The following TMEM245 variants were observed in gnomAD, a reference collection of about 807,000 sequenced individuals.
TMEM245 encodes protein CG-2.
TMEM245 carries 69 observed loss-of-function variants against 101.2 expected under a neutral mutation model. That is an observed-to-expected ratio of 0.68 (90% CI 0.56 to 0.83). The LOEUF (loss-of-function observed/expected upper bound fraction) is 0.83. Ranked by LOEUF, TMEM245 falls within the 40% of genes least tolerant of loss-of-function variation. The pLI, the probability that TMEM245 is intolerant of heterozygous loss-of-function variation, is 0.00. For synonymous variants in TMEM245, 537 were observed against 449.8 expected, an observed-to-expected ratio of 1.19 and a Z score of -2.45; for missense variants, 1,075 against 1,092.8, an observed-to-expected ratio of 0.98 and a Z score of 0.23.
intron 17 of TMEM245, among the ~76,000 whole-genome samples, chr9:109,032,183 TGTATCATTGGTTATCGAA>T (rs964890945): frequency 1.3e-5 from 2 of 152,182 alleles, no homozygotes; most frequent in African/African-American, 4.8e-5. Flanking sequence ...TGGTTATCAT[TGTATCATTGGTTATCGAA>T]GTATCATTGT....
In TMEM245 at chr9:109,073,378, C is replaced by T. The variant is rs561079659; in HGVS notation, c.1510G>A (p.Ala504Thr). Residue 504 changes from alanine to threonine, a missense_variant, in exon 9 of 18, where the codon GCA becomes ACA. By Grantham distance (58) the Ala-to-Thr change is moderately conservative (BLOSUM62 0). Around this residue, in one of 2 missense-constraint regions of TMEM245, gnomAD observed 808 missense variants for 741.5 expected, o/e 1.09. Coordinates refer to ENST00000374586, the MANE Select transcript of TMEM245 (RefSeq NM_032012.4). ...VTSNLINETL[A>T]NHPEWANWLP... is the part of the protein sequence containing the mutation. ...TACTTTGCCCACTCAGGGTGATTTG[C>T]TAGAGTTTCATTAATCAAATTACTT... The T allele has an allele frequency of 1.2e-6, 2 of 1,612,960 alleles. No individual in the cohort carries two copies. The highest frequency in any genetic ancestry group is 8.5e-7 in the Non-Finnish European group (1 of 1,179,506).
intron 3 of TMEM245, among the ~76,000 whole-genome samples, chr9:109,093,910 A>G (rs1564203263): frequency 6.6e-6 from 1 of 152,200 alleles, no homozygotes; most frequent in East Asian, 1.9e-4. Context: ...TTCTATTGAA[A>G]AACACTACCA....
intron 9 of TMEM245, among the ~76,000 whole-genome samples, chr9:109,067,750 C>T (rs1002716100): frequency 2.0e-5 from 3 of 152,116 alleles, no homozygotes; most frequent in Non-Finnish European, 4.4e-5. Context: ...TAAGATGATC[C>T]TAATCTGTCT....
At chr9:109,093,722 T>C in intron 3 of TMEM245, 131 bp from the exon 4 acceptor site, 1 of 749,664 alleles carries the variant, frequency 1.3e-6, no homozygotes. Flanking sequence ...TAAGTGGTTC[T>C]TCACCAAGGA....
intron 17 of TMEM245, among the ~76,000 whole-genome samples, chr9:109,025,722 A>G (rs978847996): frequency 6.6e-6 from 1 of 150,950 alleles, no homozygotes; most frequent in Admixed American, 6.6e-5. Flanking sequence ...GAAAGTATGC[A>G]TGACTACAGG....
At chr9:109,064,821 G>A (rs191649216) in intron 9 of TMEM245, among the ~76,000 whole-genome samples, 2 of 152,182 alleles carry the variant, frequency 1.3e-5, no homozygotes, top group East Asian at 3.9e-4. Flanking sequence ...CACTCTTCTT[G>A]CCCAGGCTGG....
intron 3 of TMEM245, among the ~76,000 whole-genome samples, chr9:109,102,807 C>G (rs1208488953): frequency 1.3e-5 from 2 of 152,236 alleles, no homozygotes; most frequent in African/African-American, 4.8e-5. Context: ...GTAATCTGCT[C>G]TTGGAGTTTA....
intron 17 of TMEM245, among the ~76,000 whole-genome samples, chr9:109,026,061 T>C (rs1202608273): frequency 1.3e-5 from 2 of 152,230 alleles, no homozygotes; most frequent in African/African-American, 4.8e-5. Context: ...AATATACAAA[T>C]TCCTAGAAAA....
chr9:109,081,085 T>C (rs980324331), intron 7 of TMEM245, 142 bp from the exon 8 acceptor site: 5 of 596,226 alleles, frequency 8.4e-6, no homozygotes, highest in African/African-American at 7.5e-5. Flanking sequence ...ATAAAAGCTT[T>C]AAGCAACTTT....
chr9:109,062,978 G>GAA (rs113342652), intron 10 of TMEM245, among the ~76,000 whole-genome samples: 4 of 148,028 alleles, frequency 2.7e-5, no homozygotes, highest in African/African-American at 7.4e-5. Flanking sequence ...TCCACAAAAA[G>GAA]AAAAAAAAAA....
intron 1 of TMEM245, among the ~76,000 whole-genome samples, chr9:109,115,503 T>G (rs557586978): frequency 1.3e-4 from 19 of 151,256 alleles, no homozygotes; most frequent in Non-Finnish European, 2.1e-4. Context: ...TTTTCTGATT[T>G]TTTCCTAGTA....
chr9:109,091,797 A>G lies in TMEM245; in HGVS notation c.917-642T>C, dbSNP rs192147400. 1.5e-3 allele frequency among the ~76,000 whole-genome samples: 231 copies of G among 152,300 alleles called. 6 individuals carry two copies. The highest frequency in any genetic ancestry group is 5.2e-4 in the Admixed American group (8 of 15,310). Reference sequence around the variant, plus strand: ...ATGTTACATTTTACTATAGGGTGCTATTATTTCTATTTCCTAGTTTTAATA... The same window carrying G: ...ATGTTACATTTTACTATAGGGTGCTGTTATTTCTATTTCCTAGTTTTAATA... On this transcript the variant is annotated intron_variant, in intron 4 of 17. Coordinates refer to ENST00000374586, the MANE Select transcript of TMEM245 (RefSeq NM_032012.4).
intron 1 of TMEM245, among the ~76,000 whole-genome samples, chr9:109,113,059 G>C (rs1830612072): frequency 6.6e-6 from 1 of 152,206 alleles, no homozygotes; most frequent in Non-Finnish European, 1.5e-5. Flanking sequence ...CTGAGTGACA[G>C]AGCAAGGCTC....
chr9:109,055,786 C>T (rs1023265151), intron 12 of TMEM245, among the ~76,000 whole-genome samples: 1 of 152,140 alleles, frequency 6.6e-6, no homozygotes, highest in Non-Finnish European at 1.5e-5. Flanking sequence ...AGGCATGCGC[C>T]ACCATGCCCA....
Position 109,041,222 on chromosome 9 carries a change from T to G in TMEM245, c.2124-3105A>C, listed in dbSNP as rs150457720. Among the ~76,000 whole-genome samples, 23 of 152,250 alleles carry G rather than the reference T, an allele frequency of 1.5e-4. No individual in the cohort carries two copies. The East Asian group carries it at 4.4e-3, about 29-fold the overall frequency. The stretch of plus-strand genomic sequence containing the variant: ...AGTAACTGACCTAGTGCACAGTAGA[T>G]GCTCAATAAGCAGTGGCTATTAGTA... On this transcript the variant is annotated intron_variant, in intron 14 of 17. Transcript: ENST00000374586.
intron 1 of TMEM245, among the ~76,000 whole-genome samples, chr9:109,116,065 C>T (rs182491851): frequency 1.5e-3 from 227 of 152,256 alleles, no homozygotes; most frequent in South Asian, 3.7e-3. Flanking sequence ...GTAAAAGAAC[C>T]TAATCTAGTG....
rs545230197 is a variant in TMEM245, at chr9:109,065,242, G to A, written c.1533-675C>T. On this transcript the variant is annotated intron_variant, in intron 9 of 17. Transcript: ENST00000374586. ...TGGGATATTCAACATCTGGGACAGG[G>A]TTCTCAAAGTGTGGTCCACAAACCA... Among the ~76,000 whole-genome samples, 4 of 152,292 alleles carry A rather than the reference G, an allele frequency of 2.6e-5. No individual in the cohort carries two copies. The South Asian group carries it at 8.3e-4, about 32-fold the overall frequency.
At chr9:109,037,887 G>A in intron 15 of TMEM245, 130 bp downstream of exon 15, 1 of 613,204 alleles carries the variant, frequency 1.6e-6, no homozygotes, top group East Asian at 2.8e-5. Flanking sequence ...TCCTAATGTG[G>A]ACTAGATTCG....
chr9:109,066,444 G>C (rs1829166180), intron 9 of TMEM245, among the ~76,000 whole-genome samples: 2 of 55,318 alleles, frequency 3.6e-5, no homozygotes, highest in African/African-American at 2.0e-4. Context: ...AAAAGAGCAA[G>C]ACTGTCTCAA....
Sources: allele counts gnomAD v4.1 joint callset (sites outside exome capture counted in the v4.1 genomes callset), GRCh38; gene constraint gnomAD v4.1.1; regional missense constraint gnomAD v4.1.1; transcripts MANE v1.5; gene names NCBI Gene and HGNC (gene_info 2026-07-23, HGNC 2026-07-21).